The following NALF1 variants were observed in gnomAD, a reference collection of about 807,000 sequenced individuals.
NALF1 encodes NALCN channel auxiliary factor 1, also known as family with sequence similarity 155 member A.
Under a neutral mutation model 48.4 loss-of-function variants are expected in NALF1, and 3 were observed. The observed-to-expected ratio is 0.06, with a 90% CI of 0.03 to 0.16. The LOEUF is 0.16. Among genes scored for constraint, NALF1 ranks in the 10% least tolerant of loss-of-function variants. NALF1 has a pLI of 1.00. For synonymous variants in NALF1, 262 were observed against 245.7 expected (o/e 1.07, Z -0.62); for missense variants, 526 against 571.5 (o/e 0.92, Z 0.81).
rs139429548 is a variant in NALF1, at chr13:107,640,908, G to A, written c.915+224774C>T. Among the ~76,000 whole-genome samples, 188 of 152,192 alleles carry A rather than the reference G, an allele frequency of 1.2e-3. 1 individual carries two copies. The highest frequency in any genetic ancestry group is 4.4e-3 in the African/African-American group (182 of 41,540). The stretch of plus-strand genomic sequence containing the variant: ...GCATACAACTTATCTTTAAAAAGTC[G>A]GCATCCAGCAGTCTCACTGCTTGGT... On this transcript the variant is annotated intron_variant, in intron 1 of 2. Transcript: ENST00000375915.
chr13:107,380,046 G>T (rs947273707), intron 1 of NALF1, among the ~76,000 whole-genome samples: 3 of 152,244 alleles, frequency 2.0e-5, no homozygotes, highest in East Asian at 3.9e-4. Flanking sequence ...AAGCCAAGAA[G>T]TTTTCCTTAA....
intron 1 of NALF1, among the ~76,000 whole-genome samples, chr13:107,241,696 C>A (rs529229060): frequency 6.6e-6 from 1 of 152,334 alleles, no homozygotes; most frequent in African/African-American, 2.4e-5. Flanking sequence ...GAAAGCCTGG[C>A]ACAGATTTTT....
chr13:107,596,337 T>C (rs1704745364), intron 1 of NALF1, among the ~76,000 whole-genome samples: 1 of 152,106 alleles, frequency 6.6e-6, no homozygotes. Context: ...ACCCAAAGGA[T>C]TATAAATAAT....
At chr13:107,497,971 A>T (rs1462944634) in intron 1 of NALF1, among the ~76,000 whole-genome samples, 2 of 152,218 alleles carry the variant, frequency 1.3e-5, no homozygotes, top group Admixed American at 1.3e-4. Context: ...CCTTGTTAGA[A>T]TATGAAACAT....
At chr13:107,182,644 T>A (rs1365876210) in intron 2 of NALF1, among the ~76,000 whole-genome samples, 1 of 152,200 alleles carries the variant, frequency 6.6e-6, no homozygotes, top group Non-Finnish European at 1.5e-5. Flanking sequence ...TATTAGAACT[T>A]ATCCTTTAAA....
chr13:107,866,206 G>C lies in NALF1; in HGVS notation c.391C>G (p.Leu131Val). 2 of 1,601,030 alleles carry C rather than the reference G, an allele frequency of 1.2e-6. No individual in the cohort carries two copies. Among genetic ancestry groups the C allele is most frequent in the Non-Finnish European group, 1.7e-6 (2 of 1,174,348 alleles). Residue 131 changes from leucine (L) to valine (V), a missense_variant, in exon 1 of 3, where the codon CTG becomes GTG. This residue lies in a region of NALF1 where 373 missense variants were observed against 355.5 expected (regional missense o/e 1.05). Transcript: ENST00000375915. The surrounding 1 kb of genome is among the most constrained non-coding windows in gnomAD (Gnocchi z 4.4). Reference sequence around the variant, plus strand: ...CCGCCGTCTCCCGGGGAGGGGGGCAGGGTGGGGGACGAGGAGGCGGAGAGG... The same window carrying C: ...CCGCCGTCTCCCGGGGAGGGGGGCACGGTGGGGGACGAGGAGGCGGAGAGG... ...RLLSASSSPT[L>V]PPSPGDGGGG...
intron 1 of NALF1, among the ~76,000 whole-genome samples, chr13:107,497,976 A>G (rs1232908004): frequency 6.6e-6 from 1 of 152,182 alleles, no homozygotes; most frequent in Admixed American, 6.5e-5. Flanking sequence ...TTAGAATATG[A>G]AACATAACAA....
chr13:107,643,218 G>A (rs570503126), intron 1 of NALF1, among the ~76,000 whole-genome samples: 60 of 152,306 alleles, frequency 3.9e-4, no homozygotes, highest in Non-Finnish European at 5.3e-4. Context: ...CAAGAACACA[G>A]TGATGTTATA....
chr13:107,810,350 T>C (rs1878950354), intron 1 of NALF1, among the ~76,000 whole-genome samples: 2 of 152,078 alleles, frequency 1.3e-5, no homozygotes, highest in Admixed American at 1.3e-4. Context: ...TCAGAGTCTC[T>C]TCATCCCTCA....
intron 1 of NALF1, among the ~76,000 whole-genome samples, chr13:107,523,399 T>A (rs970223507): frequency 1.3e-5 from 2 of 152,068 alleles, no homozygotes. Flanking sequence ...TACTTTAAGT[T>A]TTAGGGTACA....
intron 1 of NALF1, among the ~76,000 whole-genome samples, chr13:107,715,760 C>T (rs899804110): frequency 2.0e-5 from 3 of 152,198 alleles, no homozygotes; most frequent in African/African-American, 4.8e-5. Flanking sequence ...CGTCTTTACA[C>T]TTGCCAATGT....
rs1880759148 is a variant in NALF1 at position 107,867,044 on chromosome 13, C to T, written c.-448G>A. On this transcript the variant is annotated 5_prime_UTR_variant, in exon 1 of 3. Coordinates refer to ENST00000375915, the MANE Select transcript of NALF1 (RefSeq NM_001080396.3). The surrounding 1 kb of genome is among the most constrained non-coding windows in gnomAD (Gnocchi z 4.4). ...TTGTCAGCGCGCGGGTCCCCATGGC[C>T]CCGCGGAGCCCAGCCCGCTCTCCCC... is the stretch of plus-strand genomic sequence containing the variant. 6.6e-6 allele frequency among the ~76,000 whole-genome samples: 1 copy of T among 151,840 alleles called. No individual in the cohort carries two copies. The highest frequency in any genetic ancestry group is 1.5e-5 in the Non-Finnish European group (1 of 67,906).
At chr13:107,405,534 T>C (rs1883884468) in intron 1 of NALF1, among the ~76,000 whole-genome samples, 1 of 152,050 alleles carries the variant, frequency 6.6e-6, no homozygotes, top group South Asian at 2.1e-4. Flanking sequence ...TTCCCTTTTC[T>C]TTTGAGCAGC....
intron 1 of NALF1, among the ~76,000 whole-genome samples, chr13:107,374,853 G>T (rs919348236): frequency 2.0e-5 from 3 of 152,134 alleles, no homozygotes; most frequent in African/African-American, 7.2e-5. Flanking sequence ...GCAGCAAGAA[G>T]GCTCTGACCA....
intron 1 of NALF1, among the ~76,000 whole-genome samples, chr13:107,487,718 A>G (rs1050570533): frequency 8.5e-5 from 13 of 152,150 alleles, no homozygotes; most frequent in African/African-American, 3.1e-4. Context: ...AATTTTGATC[A>G]AGGATATTGG....
rs1883089050 is a variant in NALF1, at chr13:107,362,858, AAG to A, written c.916-152105_916-152104del. On this transcript the variant is annotated intron_variant, in intron 1 of 2. Coordinates refer to ENST00000375915, the MANE Select transcript of NALF1 (RefSeq NM_001080396.3). This position sits in a 1 kb window ranked among gnomAD's most constrained non-coding sequence, Gnocchi z 4.6. ...TGTGAGCTTTTGGCAGGTCTAAAGT[AAG>A]TGGAGGGATTGGGTTATCTATACAT... 1.3e-5 allele frequency among the ~76,000 whole-genome samples: 2 copies of A among 152,158 alleles called. No individual in the cohort carries two copies. The highest frequency in any genetic ancestry group is 2.9e-5 in the Non-Finnish European group (2 of 68,032).
intron 1 of NALF1, among the ~76,000 whole-genome samples, chr13:107,312,015 G>A (rs1380627784): frequency 1.3e-5 from 2 of 152,170 alleles, no homozygotes; most frequent in Admixed American, 1.3e-4. Context: ...TCAGTATGGC[G>A]ATTCCTCAGG....
Position 107,865,878 on chromosome 13 carries a change from C to A in NALF1, c.719G>T (p.Ser240Ile). ...CAGACTGCAGTTCAAAGTGTTGGGACTGGACAACCCCGAGAACAACTCCCA... is the reference window on the plus strand; with the variant it reads ...CAGACTGCAGTTCAAAGTGTTGGGAATGGACAACCCCGAGAACAACTCCCA... ...TLWELFSGLS[S>I]PNTLNCSLDV... is the part of the protein sequence containing the mutation. Residue 240 changes from serine (S) to isoleucine (I), a missense_variant, in exon 1 of 3, where the codon AGT (serine) becomes ATT (isoleucine). By Grantham distance (142) the Ser-to-Ile change is moderately radical. This residue lies in a region of NALF1 where 373 missense variants were observed against 355.5 expected (regional missense o/e 1.05). Transcript: ENST00000375915. 2.5e-6 allele frequency: 4 copies of A among 1,614,116 alleles called. No individual in the cohort carries two copies. The highest frequency in any genetic ancestry group is 3.4e-6 in the Non-Finnish European group (4 of 1,180,030).
chr13:107,375,407 C>T (rs1883319097), intron 1 of NALF1, among the ~76,000 whole-genome samples: 1 of 152,094 alleles, frequency 6.6e-6, no homozygotes, highest in African/African-American at 2.4e-5. Context: ...TACTTGGTCA[C>T]ATTCTACAGA....
Sources: gnomAD v4.1 joint callset for allele counts (sites outside exome capture counted in the v4.1 genomes callset) on GRCh38, gnomAD v4.1.1 for gene constraint, gnomAD v4.1.1 regional missense constraint, Gnocchi (gnomAD v3.1) non-coding constraint, MANE v1.5 for transcripts, NCBI Gene and HGNC (gene_info 2026-07-23, HGNC 2026-07-21) for gene names.